Variants in LAMP3 observed in about 807,000 individuals in gnomAD.
LAMP3 encodes lysosome associated membrane protein 3.
A neutral mutation model predicts 34.8 loss-of-function variants in LAMP3; 26 were observed. The ratio of observed to expected loss-of-function variants is 0.75; its 90% CI spans 0.55 to 1.04. LAMP3 has a LOEUF of 1.04. Ranked by LOEUF, LAMP3 falls within the 50% of genes least tolerant of loss-of-function variation. The pLI is 0.00. For synonymous variants in LAMP3, 180 were observed against 201.9 expected, an observed-to-expected ratio of 0.89 and a Z score of 0.92; for missense variants, 495 against 524.0, an observed-to-expected ratio of 0.94 and a Z score of 0.54.
At chr3:183,162,585 G>A in intron 1 of LAMP3, 22 bp downstream of exon 1, 1 of 1,547,578 alleles carries the variant, frequency 6.5e-7, no homozygotes, top group Non-Finnish European at 8.7e-7. Flanking sequence ...GGCCACCGCG[G>A]GAAGCGCTGA....
At chr3:183,151,832 A>G (rs545013650) in intron 3 of LAMP3, among the ~76,000 whole-genome samples, 1 of 152,294 alleles carries the variant, frequency 6.6e-6, no homozygotes, top group African/African-American at 2.4e-5. Flanking sequence ...AAGGAGAGAA[A>G]GCAACAGAGC....
At chr3:183,133,506 C>A (rs1471147616) in intron 5 of LAMP3, among the ~76,000 whole-genome samples, 1 of 152,134 alleles carries the variant, frequency 6.6e-6, no homozygotes, top group Non-Finnish European at 1.5e-5. Flanking sequence ...AGGCATGTAC[C>A]ACCATGCCGG....
chr3:183,147,871 C>A (rs1209393999), intron 3 of LAMP3, among the ~76,000 whole-genome samples: 1 of 152,102 alleles, frequency 6.6e-6, no homozygotes, highest in African/African-American at 2.4e-5. Flanking sequence ...TACACGTCAC[C>A]ATGGCTAGCT....
chr3:183,158,803 TGG>T (rs1487378269), intron 1 of LAMP3, among the ~76,000 whole-genome samples: 2 of 152,088 alleles, frequency 1.3e-5, no homozygotes, highest in South Asian at 4.2e-4. Flanking sequence ...TACCAGGCAC[TGG>T]GGGTAGGTCT....
intron 5 of LAMP3, 57 bp from the exon 6 acceptor site, chr3:183,124,271 A>G: frequency 7.0e-7 from 1 of 1,437,208 alleles, no homozygotes; most frequent in Non-Finnish European, 9.2e-7. Context: ...CAGTCCAGAA[A>G]GCAGGCTAGA....
intron 4 of LAMP3, among the ~76,000 whole-genome samples, chr3:183,139,693 C>G (rs1238904446): frequency 3.3e-5 from 5 of 152,178 alleles, no homozygotes; most frequent in African/African-American, 1.2e-4. Context: ...TTGTACTGTA[C>G]TCACCTGTTT....
chr3:183,146,823 C>T (rs747785338), intron 3 of LAMP3, among the ~76,000 whole-genome samples: 2 of 151,710 alleles, frequency 1.3e-5, no homozygotes, highest in Admixed American at 6.6e-5. Context: ...CCACTGTGCC[C>T]GGCCCTCAAA....
intron 1 of LAMP3, 56 bp from the exon 2 acceptor site, chr3:183,154,447 C>A: frequency 7.8e-7 from 1 of 1,288,158 alleles, no homozygotes; most frequent in Non-Finnish European, 1.1e-6. Flanking sequence ...TACAAGGTTC[C>A]CTCTCCCATC....
intron 5 of LAMP3, among the ~76,000 whole-genome samples, chr3:183,135,365 A>G (rs1720049575): frequency 6.6e-6 from 1 of 152,326 alleles, no homozygotes; most frequent in African/African-American, 2.4e-5. Context: ...GATACTCAGG[A>G]TCTTTAAAGT....
intron 3 of LAMP3, among the ~76,000 whole-genome samples, chr3:183,152,136 CCA>C (rs1720655033): frequency 6.6e-6 from 1 of 152,296 alleles, no homozygotes; most frequent in Middle Eastern, 3.4e-3. Context: ...GTTACGTTCC[CCA>C]GAGGTCAAGT....
At chr3:183,144,031 C>T (rs1277939323) in intron 3 of LAMP3, among the ~76,000 whole-genome samples, 1 of 152,182 alleles carries the variant, frequency 6.6e-6, no homozygotes, top group Non-Finnish European at 1.5e-5. Context: ...TAAGGTCCCC[C>T]TGTCCACTTC....
intron 5 of LAMP3, among the ~76,000 whole-genome samples, chr3:183,127,702 C>T (rs1193838800): frequency 3.3e-5 from 5 of 152,112 alleles, no homozygotes; most frequent in Non-Finnish European, 4.4e-5. Flanking sequence ...TGCCAGCAGC[C>T]GCCCCCCAAG....
chr3:183,161,903 T>C (rs546461783), intron 1 of LAMP3: 173 of 945,726 alleles, frequency 1.8e-4, no homozygotes, highest in Non-Finnish European at 2.0e-4. Context: ...CAAGGGCAGC[T>C]GGCACGACCC....
At chr3:183,152,278 C>A in intron 3 of LAMP3, 97 bp downstream of exon 3, 1 of 1,320,176 alleles carries the variant, frequency 7.6e-7, no homozygotes, top group Non-Finnish European at 1.0e-6. Context: ...CAGCAAAGAT[C>A]TCAAACTGAA....
At chr3:183,163,774 G>A (rs931996753), upstream of LAMP3, 1 of 152,354 alleles carries the variant, frequency 6.6e-6, no homozygotes, top group Non-Finnish European at 1.5e-5. Context: ...ACCGCGGTTT[G>A]CGGGAAGCAA....
intron 5 of LAMP3, among the ~76,000 whole-genome samples, chr3:183,125,031 T>TA (rs1435097267): frequency 6.6e-6 from 1 of 152,226 alleles, no homozygotes; most frequent in Non-Finnish European, 1.5e-5. Flanking sequence ...TTTACAAACT[T>TA]ATCAAGACTG....
chr3:183,136,538 C>T (rs1720095217), intron 4 of LAMP3, among the ~76,000 whole-genome samples: 1 of 151,912 alleles, frequency 6.6e-6, no homozygotes, highest in Admixed American at 6.6e-5. Flanking sequence ...GTAATCCCAG[C>T]TACTCGGGAG....
rs149853534 is a variant in LAMP3, at chr3:183,152,418, A to G, written c.845T>C (p.Leu282Pro). The G allele has an allele frequency of 1.9e-6, 3 of 1,612,722 alleles. No homozygotes were observed. Among genetic ancestry groups the G allele is most frequent in the African/African-American group, 2.7e-5 (2 of 74,816 alleles). The stretch of plus-strand genomic sequence containing the variant: ...CACAAATCCGCCCTGAAAATTCAAC[A>G]GAAGGTTGGATTTTCGGGTGCCACA... ...GNCGTRKSNL[L>P]LNFQGGFVNL... Residue 282 changes from leucine (L) to proline (P), a missense_variant, in exon 3 of 6, where the codon CTG (leucine) becomes CCG (proline). Coordinates refer to ENST00000265598, the MANE Select transcript of LAMP3 (RefSeq NM_014398.4).
chr3:183,155,519 T>C (rs574009339), intron 1 of LAMP3, among the ~76,000 whole-genome samples: 3 of 152,346 alleles, frequency 2.0e-5, no homozygotes, highest in African/African-American at 7.2e-5. Flanking sequence ...TTGTCCTCCT[T>C]ATATAAAATA....
Sources: allele counts gnomAD v4.1 joint callset (sites outside exome capture counted in the v4.1 genomes callset), GRCh38; gene constraint gnomAD v4.1.1; transcripts MANE v1.5; gene names NCBI Gene and HGNC (gene_info 2026-07-23, HGNC 2026-07-21).